The following CPQ variants were observed in gnomAD, a reference collection of about 807,000 sequenced individuals.
CPQ encodes Ser-Met dipeptidase.
In CPQ, 37 loss-of-function variants were observed where a neutral mutation model predicts 45.7. The ratio of observed to expected loss-of-function variants is 0.81; its 90% CI spans 0.62 to 1.07. CPQ has a LOEUF of 1.07. Among genes scored for constraint, CPQ ranks in the 50% least tolerant of loss-of-function variants. The pLI, the probability that CPQ is intolerant of heterozygous loss-of-function variation, is 0.00. For missense variants in CPQ, 537 were observed against 572.9 expected (o/e 0.94, Z 0.64); for synonymous variants, 186 against 205.8 (o/e 0.90, Z 0.82).
chr8:97,079,846 T>C lies in CPQ; in HGVS notation c.1255+13636T>C, dbSNP rs1810915331. Among the ~76,000 whole-genome samples the C allele has an allele frequency of 1.3e-5, 2 of 152,152 alleles. 1 individual carries two copies. Among genetic ancestry groups the C allele is most frequent in the South Asian group, 4.1e-4 (2 of 4,828 alleles). On this transcript the variant is annotated intron_variant, in intron 7 of 7. Transcript: ENST00000220763. The stretch of plus-strand genomic sequence containing the variant: ...AAGAAAATGTGAGGGGTATTTAAAA[T>C]GATAACCAGTCGGGTTGGACCAAAG...
chr8:96,927,275 T>A (rs373130966), intron 4 of CPQ, among the ~76,000 whole-genome samples: 1 of 152,214 alleles, frequency 6.6e-6, no homozygotes, highest in East Asian at 1.9e-4. Flanking sequence ...GATGATGTTT[T>A]TAGGGGAAAG....
chr8:97,078,847 G>T (rs1188930767), intron 7 of CPQ, among the ~76,000 whole-genome samples: 1 of 148,822 alleles, frequency 6.7e-6, no homozygotes, highest in Non-Finnish European at 1.5e-5. Flanking sequence ...ACCCAGGCTG[G>T]AGTGCAAAAG....
chr8:96,930,939 C>T (rs1812965779), intron 4 of CPQ, among the ~76,000 whole-genome samples: 1 of 152,198 alleles, frequency 6.6e-6, no homozygotes, highest in African/African-American at 2.4e-5. Flanking sequence ...TTTGCATCAT[C>T]CACCTTGACA....
chr8:96,721,801 A>C (rs1000849411), intron 1 of CPQ, among the ~76,000 whole-genome samples: 1 of 151,886 alleles, frequency 6.6e-6, no homozygotes, highest in Non-Finnish European at 1.5e-5. Flanking sequence ...TCGACCTTGA[A>C]CCTTTGTGCA....
At chr8:96,910,646 AGGGGCCT>A (rs1812647518) in intron 4 of CPQ, among the ~76,000 whole-genome samples, 1 of 152,104 alleles carries the variant, frequency 6.6e-6, no homozygotes, top group South Asian at 2.1e-4. Context: ...CTGGGACTAC[AGGGGCCT>A]GCCACCACGC....
chr8:96,648,203 A>G (rs527566118), intron 1 of CPQ, among the ~76,000 whole-genome samples: 1 of 152,032 alleles, frequency 6.6e-6, no homozygotes, highest in African/African-American at 2.4e-5. Flanking sequence ...GGCCGCCTGA[A>G]AAACTAAGAG....
intron 1 of CPQ, among the ~76,000 whole-genome samples, chr8:96,759,637 G>A (rs1268920107): frequency 6.6e-6 from 1 of 152,130 alleles, no homozygotes; most frequent in Non-Finnish European, 1.5e-5. Context: ...CATGAAGAAT[G>A]TTGAGATTCT....
chr8:96,664,383 C>T (rs1808892910), intron 1 of CPQ, among the ~76,000 whole-genome samples: 1 of 152,140 alleles, frequency 6.6e-6, no homozygotes, highest in African/African-American at 2.4e-5. Flanking sequence ...ATTGTCTCTT[C>T]AGTTACGTAG....
intron 5 of CPQ, among the ~76,000 whole-genome samples, chr8:96,983,266 A>C (rs559499506): frequency 6.6e-6 from 1 of 152,256 alleles, no homozygotes; most frequent in East Asian, 1.9e-4. Context: ...TATTTAGTCT[A>C]TTAATTTTCA....
chr8:96,691,049 G>A (rs1809297871), intron 1 of CPQ, among the ~76,000 whole-genome samples: 2 of 145,482 alleles, frequency 1.4e-5, no homozygotes, highest in Non-Finnish European at 2.9e-5. Context: ...TAGTTTCCTA[G>A]GGCTGCTTTA....
intron 3 of CPQ, among the ~76,000 whole-genome samples, chr8:96,849,816 T>C (rs558337576): frequency 2.0e-5 from 3 of 152,358 alleles, no homozygotes; most frequent in Non-Finnish European, 4.4e-5. Flanking sequence ...AAGCACTTTC[T>C]TTCTATATTG....
intron 3 of CPQ, among the ~76,000 whole-genome samples, chr8:96,878,341 G>T (rs1338075711): frequency 6.6e-6 from 1 of 152,192 alleles, no homozygotes; most frequent in Admixed American, 6.5e-5. Flanking sequence ...GACAGTCTCT[G>T]CAGGGATAAT....
chr8:96,945,443 C>T (rs1813177227), intron 4 of CPQ, among the ~76,000 whole-genome samples: 1 of 152,046 alleles, frequency 6.6e-6, no homozygotes, highest in African/African-American at 2.4e-5. Context: ...CTGTTGTGTT[C>T]CATTGATCTT....
At chr8:96,850,584 T>TTTAA (rs537840613) in intron 3 of CPQ, among the ~76,000 whole-genome samples, 1 of 136,602 alleles carries the variant, frequency 7.3e-6, no homozygotes, top group Non-Finnish European at 1.5e-5. Context: ...TTTTATTTTA[T>TTTAA]TTTATTTATT....
At chr8:97,104,371 A>G (rs1406561393) in intron 7 of CPQ, among the ~76,000 whole-genome samples, 1 of 152,144 alleles carries the variant, frequency 6.6e-6, no homozygotes, top group Non-Finnish European at 1.5e-5. Flanking sequence ...TCTGGCTTCT[A>G]TGCTGATGAT....
chr8:97,018,613 A>G (rs1384111369), intron 5 of CPQ, among the ~76,000 whole-genome samples: 1 of 152,222 alleles, frequency 6.6e-6, no homozygotes, highest in Non-Finnish European at 1.5e-5. Flanking sequence ...AGTCTCAGCA[A>G]TAGAATTGAA....
chr8:96,886,258 T>G (rs1195549046), intron 4 of CPQ, among the ~76,000 whole-genome samples: 1 of 152,176 alleles, frequency 6.6e-6, no homozygotes, highest in Non-Finnish European at 1.5e-5. Flanking sequence ...GCTCTGACAT[T>G]AGCCTCAGAA....
chr8:96,712,118 T>C (rs1344140228), intron 1 of CPQ, among the ~76,000 whole-genome samples: 1 of 152,166 alleles, frequency 6.6e-6, no homozygotes. Context: ...AGTTACAAAA[T>C]GATCTCCTTT....
intron 7 of CPQ, among the ~76,000 whole-genome samples, chr8:97,096,217 ATATAAGT>A (rs894265549): frequency 4.6e-5 from 7 of 152,188 alleles, no homozygotes; most frequent in African/African-American, 1.7e-4. Flanking sequence ...TGGCCAATTC[ATATAAGT>A]TATGAGTGGT....
Sources: allele counts gnomAD v4.1 joint callset (sites outside exome capture counted in the v4.1 genomes callset), GRCh38; gene constraint gnomAD v4.1.1; transcripts MANE v1.5; gene names NCBI Gene and HGNC (gene_info 2026-07-23, HGNC 2026-07-21).